The following DAZL variants were observed in gnomAD, a reference collection of about 807,000 sequenced individuals.
DAZL encodes deleted in azoospermia like.
DAZL carries 4 observed loss-of-function variants against 45.0 expected under a neutral mutation model. That is an observed-to-expected ratio of 0.09 (90% confidence interval 0.04 to 0.20). The LOEUF (loss-of-function observed/expected upper bound fraction) is 0.20, where lower values mean the gene tolerates loss of function less well. Among genes scored for constraint, DAZL ranks in the 10% least tolerant of loss-of-function variants. DAZL has a pLI of 1.00. For synonymous variants in DAZL, 122 were observed against 112.4 expected (o/e 1.09, Z -0.54); for missense variants, 326 against 351.3 (o/e 0.93, Z 0.58).
chr3:16,591,215 T>C (rs1694512524), intron 10 of DAZL, among the ~76,000 whole-genome samples: 5 of 152,282 alleles, frequency 3.3e-5, no homozygotes, highest in Admixed American at 3.3e-4. Flanking sequence ...AAGATTTATC[T>C]ATCCAACATG....
rs1000316064 is a variant in DAZL at position 16,592,218 on chromosome 3, GA to G, written c.736-71del. 8.3e-6 allele frequency: 13 copies of G among 1,561,036 alleles called. No individual in the cohort carries two copies. In the Admixed American group the frequency reaches 1.4e-4, roughly 16 times the overall value. On this transcript the variant is annotated intron_variant, in intron 9 of 10. Coordinates refer to ENST00000399444, the MANE Select transcript of DAZL (RefSeq NM_001351.4). ...TCACTCTTAGTAAGGGTTTTTTTTT[GA>G]TAGTTTAATGAATATATTACTTTAT... is the stretch of plus-strand genomic sequence containing the variant.
chr3:16,603,337 G>A lies in DAZL; in HGVS notation c.3+1866C>T, dbSNP rs531790375. Among the ~76,000 whole-genome samples, 8 of 148,184 alleles carry A rather than the reference G, an allele frequency of 5.4e-5. 1 individual carries two copies. In the South Asian group the frequency reaches 1.1e-3, roughly 20 times the overall value. ...CAAGCATGCCAAGATATTTACACAA[G>A]GATATTCATAGCATTTTTTTTTTTT... is the stretch of plus-strand genomic sequence containing the variant. On this transcript the variant is annotated intron_variant, in intron 1 of 10. Coordinates refer to ENST00000399444, the MANE Select transcript of DAZL (RefSeq NM_001351.4).
In DAZL at chr3:16,596,738, A is replaced by G; in HGVS notation, c.498+12T>C. ...AATAAACAAGAGAATAGGAACGTTA[A>G]GCAATTCTTACCTGAACATACTGAG... On this transcript the variant is annotated intron_variant, in intron 6 of 10. Transcript: ENST00000399444. 2.5e-6 allele frequency: 4 copies of G among 1,613,394 alleles called. No homozygotes were observed. The highest frequency in any genetic ancestry group is 3.4e-6 in the Non-Finnish European group (4 of 1,179,428).
At chr3:16,604,778 G>C (rs1166876437) in intron 1 of DAZL, 11 of 1,360,488 alleles carry the variant, frequency 8.1e-6, no homozygotes, top group East Asian at 2.8e-5. Flanking sequence ...GCGGGGCGGA[G>C]GCGCGTGGGA....
chr3:16,596,061 C>T (rs1363881271), intron 6 of DAZL, among the ~76,000 whole-genome samples: 1 of 151,840 alleles, frequency 6.6e-6, no homozygotes, highest in Non-Finnish European at 1.5e-5. Context: ...ACACCCTACA[C>T]ATTTCAAGTA....
At chr3:16,601,199 G>A (rs1244242797) in intron 1 of DAZL, among the ~76,000 whole-genome samples, 8 of 152,146 alleles carry the variant, frequency 5.3e-5, no homozygotes, top group Non-Finnish European at 1.2e-4. Flanking sequence ...AAGATCTCTG[G>A]TGTCTCTTCT....
chr3:16,604,829 G>C lies in DAZL; in HGVS notation c.3+374C>G, dbSNP rs1479415185. The C allele has an allele frequency of 3.1e-6, 3 of 964,746 alleles. No homozygotes were observed. The African/African-American group carries it at 5.0e-5, about 16-fold the overall frequency. The allele number at this position is 964,746 out of a possible 1,614,324, so 59.8% of individuals were successfully genotyped here. On this transcript the variant is annotated intron_variant, in intron 1 of 10. Transcript: ENST00000399444. ...AGGCGCGTGAGTGGGGGAGCGCGTG[G>C]GAGTGGGGGCGGGGTGGGGCAGTCG...
chr3:16,600,362 A>G (rs906756659), intron 1 of DAZL, among the ~76,000 whole-genome samples: 1 of 152,226 alleles, frequency 6.6e-6, no homozygotes, highest in African/African-American at 2.4e-5. Flanking sequence ...CAAATCAACT[A>G]AAGCTGAGTT....
intron 1 of DAZL, among the ~76,000 whole-genome samples, chr3:16,600,147 G>GT (rs1367630900): frequency 2.6e-5 from 4 of 151,976 alleles, no homozygotes; most frequent in African/African-American, 9.7e-5. Context: ...ACTACAAAAG[G>GT]TAACTACAAA....
chr3:16,599,240 AATC>A (rs1001860861), intron 1 of DAZL, among the ~76,000 whole-genome samples: 21 of 152,180 alleles, frequency 1.4e-4, no homozygotes, highest in African/African-American at 4.6e-4. Flanking sequence ...TCAAAATTAA[AATC>A]ATCCTGTTCT....
chr3:16,588,306 A>G lies in DAZL; in HGVS notation c.*354T>C. On this transcript the variant is annotated 3_prime_UTR_variant, in exon 11 of 11. Coordinates refer to ENST00000399444, the MANE Select transcript of DAZL (RefSeq NM_001351.4). ...GGAGAAGTGAAATGTTTGTATTCAGACCAACAAAATTCTGACCTTTCAAAA... is the reference window on the plus strand; with the variant it reads ...GGAGAAGTGAAATGTTTGTATTCAGGCCAACAAAATTCTGACCTTTCAAAA... The G allele has an allele frequency of 6.5e-6, 2 of 307,196 alleles. No homozygotes were observed. The highest frequency in any genetic ancestry group is 6.3e-6 in the Non-Finnish European group (1 of 159,568). The allele number at this position is 307,196 out of a possible 1,614,324, so 19.0% of individuals were successfully genotyped here.
At chr3:16,604,307 T>A in intron 1 of DAZL, 1 of 775,694 alleles carries the variant, frequency 1.3e-6, no homozygotes, top group South Asian at 1.9e-5. Context: ...TTTACCAAAC[T>A]CACAAAAACG....
intron 1 of DAZL, chr3:16,604,805 G>A: frequency 3.1e-6 from 4 of 1,311,114 alleles, no homozygotes; most frequent in African/African-American, 1.5e-5. Flanking sequence ...GAGGGGCGGA[G>A]GCGCGTGAGT....
rs1300194347 is a variant in DAZL at position 16,587,968 on chromosome 3, G to C, written c.*692C>G. 5.8e-6 allele frequency: 1 copy of C among 171,648 alleles called. No homozygotes were observed. The highest frequency in any genetic ancestry group is 1.2e-5 in the Non-Finnish European group (1 of 85,600). The allele number at this position is 171,648 out of a possible 1,614,324, so 10.6% of individuals were successfully genotyped here. ...TACCTAGTAAAGTTTAGTTTGTCTT[G>C]GATTCTTTAAAAAATTAGGCCCAGA... On this transcript the variant is annotated 3_prime_UTR_variant, in exon 11 of 11. Transcript: ENST00000399444.
intron 6 of DAZL, among the ~76,000 whole-genome samples, chr3:16,595,844 G>C (rs1694591768): frequency 6.6e-6 from 1 of 151,880 alleles, no homozygotes; most frequent in Non-Finnish European, 1.5e-5. Flanking sequence ...TCATTTCGAA[G>C]AACTAAGGGC....
Position 16,588,347 on chromosome 3 carries a change from AT to A in DAZL, c.*312del. 3.1e-6 allele frequency: 1 copy of A among 325,230 alleles called. No individual in the cohort carries two copies. The highest frequency in any genetic ancestry group is 5.9e-6 in the Non-Finnish European group (1 of 170,130). The allele number at this position is 325,230 out of a possible 1,614,324, so 20.1% of individuals were successfully genotyped here. On this transcript the variant is annotated 3_prime_UTR_variant, in exon 11 of 11. Transcript: ENST00000399444. ...CCTTTCAAAATAGGTTTTTAAAAAC[AT>A]TTTTTTGAAAATCAGTATTTGCTTT... is the stretch of plus-strand genomic sequence containing the variant.
intron 1 of DAZL, chr3:16,604,655 G>A: frequency 2.9e-6 from 4 of 1,366,200 alleles, no homozygotes; most frequent in Non-Finnish European, 3.8e-6. Context: ...GGGACCAGGA[G>A]GGAACCACTT....
At chr3:16,598,295 T>C (rs1276312272) in intron 2 of DAZL, 117 bp from the exon 3 acceptor site, 1 of 1,390,680 alleles carries the variant, frequency 7.2e-7, no homozygotes, top group Non-Finnish European at 1.0e-6. Context: ...AAATGACCAG[T>C]AGCTCTTTGT....
rs1357889719 is a variant in DAZL, at chr3:16,586,998, T to C, written c.*1662A>G. The stretch of plus-strand genomic sequence containing the variant: ...TTCCTTAAGGTCATATTGGAATAAT[T>C]AGAAGTAGCTCTTTAGAATATAGAT... On this transcript the variant is annotated 3_prime_UTR_variant, in exon 11 of 11. Coordinates refer to ENST00000399444, the MANE Select transcript of DAZL (RefSeq NM_001351.4). The C allele has an allele frequency of 6.6e-6, 1 of 152,146 alleles. No individual in the cohort carries two copies. Among genetic ancestry groups the C allele is most frequent in the Non-Finnish European group, 1.5e-5 (1 of 68,014 alleles). The allele number at this position is 152,146 out of a possible 1,614,324, so 9.4% of individuals were successfully genotyped here.
Sources: allele counts gnomAD v4.1 joint callset (sites outside exome capture counted in the v4.1 genomes callset), GRCh38; gene constraint gnomAD v4.1.1; transcripts MANE v1.5; gene names NCBI Gene and HGNC (gene_info 2026-07-23, HGNC 2026-07-21).